Variants in RAB3C observed in about 807,000 individuals in gnomAD.
The protein encoded by RAB3C is ras-related protein Rab-3C.
RAB3C carries 17 observed loss-of-function variants against 26.4 expected under a neutral mutation model. That is an observed-to-expected ratio of 0.64 (90% CI 0.44 to 0.97). The LOEUF is 0.97. Among genes scored for constraint, RAB3C ranks in the 50% least tolerant of loss-of-function variants. RAB3C has a pLI of 0.00. For missense variants in RAB3C, 242 were observed against 281.9 expected (o/e 0.86, Z 1.01); for synonymous variants, 91 against 95.9 (o/e 0.95, Z 0.30).
At chr5:58,601,047 A>G (rs1224835978) in intron 1 of RAB3C, among the ~76,000 whole-genome samples, 2 of 152,122 alleles carry the variant, frequency 1.3e-5, no homozygotes, top group Non-Finnish European at 2.9e-5. Flanking sequence ...GAAAGTTTTA[A>G]TTATAAAGGG....
chr5:58,717,655 A>T (rs761927561), intron 2 of RAB3C, among the ~76,000 whole-genome samples: 1 of 152,026 alleles, frequency 6.6e-6, no homozygotes, highest in Non-Finnish European at 1.5e-5. Flanking sequence ...CATCCAGGAG[A>T]CAGCTCTCTT....
intron 2 of RAB3C, among the ~76,000 whole-genome samples, chr5:58,686,819 G>A (rs994948354): frequency 2.6e-5 from 4 of 151,972 alleles, no homozygotes; most frequent in Non-Finnish European, 5.9e-5. Flanking sequence ...AGGTAACAGG[G>A]TATCCTCTTG....
chr5:58,839,903 G>T (rs1743839605), intron 4 of RAB3C, among the ~76,000 whole-genome samples: 1 of 150,664 alleles, frequency 6.6e-6, no homozygotes, highest in African/African-American at 2.4e-5. Flanking sequence ...AATATTTGTG[G>T]TTGGGAGGTT....
At chr5:58,644,041 G>A (rs986297658) in intron 2 of RAB3C, among the ~76,000 whole-genome samples, 98 of 152,098 alleles carry the variant, frequency 6.4e-4, no homozygotes, top group African/African-American at 1.9e-4. Context: ...GGGTGGTCTC[G>A]AACTCCTGAC....
intron 4 of RAB3C, chr5:58,848,624 A>G (rs890858279): frequency 5.3e-5 from 8 of 152,216 alleles, no homozygotes; most frequent in African/African-American, 1.9e-4. Flanking sequence ...AATAGTACCT[A>G]TTATATAGTA....
chr5:58,655,908 G>A (rs922504476), intron 2 of RAB3C, among the ~76,000 whole-genome samples: 2 of 145,342 alleles, frequency 1.4e-5, no homozygotes, highest in South Asian at 2.2e-4. Context: ...CCTTTCTCCT[G>A]CCTCAGCCTC....
chr5:58,679,423 A>T (rs1748301464), intron 2 of RAB3C, among the ~76,000 whole-genome samples: 1 of 152,204 alleles, frequency 6.6e-6, no homozygotes, highest in Non-Finnish European at 1.5e-5. Flanking sequence ...TTCACTGAAG[A>T]CATAATATTT....
At chr5:58,612,240 T>C (rs1746719344) in intron 1 of RAB3C, among the ~76,000 whole-genome samples, 1 of 152,058 alleles carries the variant, frequency 6.6e-6, no homozygotes, top group South Asian at 2.1e-4. Context: ...AATATGAATT[T>C]TAAAATATTT....
intron 4 of RAB3C, among the ~76,000 whole-genome samples, chr5:58,845,283 T>C (rs1461922297): frequency 6.6e-6 from 1 of 152,036 alleles, no homozygotes; most frequent in African/African-American, 2.4e-5. Flanking sequence ...GGGAGCAAAG[T>C]GGACAGAAGA....
Position 58,597,710 on chromosome 5 carries a change from ATATAG to A in RAB3C, c.24+14481_24+14485del, listed in dbSNP as rs1746351417. On this transcript the variant is annotated intron_variant, in intron 1 of 4. Transcript: ENST00000282878. ...ACATTATATATAAGTATATAATATAATATAGTACATTATATATAAGTATATAACAT... is the reference window on the plus strand; with the variant it reads ...ACATTATATATAAGTATATAATATAATACATTATATATAAGTATATAACAT... Among the ~76,000 whole-genome samples, 23 of 51,268 alleles carry A rather than the reference ATATAG, an allele frequency of 4.5e-4. 4 individuals are homozygous for A. In the South Asian group the frequency reaches 0.013, roughly 29 times the overall value. The allele number at this position is 51,268 out of a possible 152,430, so 33.6% of individuals were successfully genotyped here.
chr5:58,797,376 T>TA (rs1561133575), intron 3 of RAB3C, among the ~76,000 whole-genome samples: 2 of 120,522 alleles, frequency 1.7e-5, no homozygotes, highest in African/African-American at 6.8e-5. Context: ...ATAATATATA[T>TA]ATATATATAT....
intron 3 of RAB3C, among the ~76,000 whole-genome samples, chr5:58,764,191 T>C (rs6894540): frequency 0.011 from 1,664 of 152,292 alleles, 33 homozygotes; most frequent in African/African-American, 0.038. Flanking sequence ...CAATTTCAGT[T>C]ACTCTTTTAT....
At chr5:58,833,266 CCTGGCTGTACATTCGAACCA>C (rs1409424519) in intron 4 of RAB3C, among the ~76,000 whole-genome samples, 6 of 151,302 alleles carry the variant, frequency 4.0e-5, no homozygotes, top group African/African-American at 1.5e-4. Flanking sequence ...GGTTCCCCAC[CCTGGCTGTACATTCGAACCA>C]CCTAGGTAGC....
chr5:58,857,235 T>C lies in RAB3C; in HGVS notation c.*5884T>C, dbSNP rs575248119. 6.6e-6 allele frequency: 1 copy of C among 152,318 alleles called. No individual in the cohort carries two copies. Among genetic ancestry groups the C allele is most frequent in the South Asian group, 2.1e-4 (1 of 4,830 alleles). The allele number at this position is 152,318 out of a possible 1,614,324, so 9.4% of individuals were successfully genotyped here. ...GCTGTATTTGTCTAGTGGTGCAATT[T>C]ATACAGTAAATATCTTATTGGTGTC... On this transcript the variant is annotated 3_prime_UTR_variant, in exon 5 of 5. Transcript: ENST00000282878.
intron 2 of RAB3C, among the ~76,000 whole-genome samples, chr5:58,642,671 G>T (rs1036641150): frequency 3.9e-5 from 6 of 152,130 alleles, no homozygotes; most frequent in African/African-American, 1.4e-4. Flanking sequence ...TGTGATGGAT[G>T]GTTTTTCCTT....
At chr5:58,780,265 C>T (rs2112000674) in intron 3 of RAB3C, among the ~76,000 whole-genome samples, 1 of 152,228 alleles carries the variant, frequency 6.6e-6, no homozygotes, top group South Asian at 2.1e-4. Flanking sequence ...TTAAATGAGA[C>T]ATCCCCTCTC....
intron 3 of RAB3C, among the ~76,000 whole-genome samples, chr5:58,726,440 G>T (rs1296907533): frequency 6.6e-6 from 1 of 151,908 alleles, no homozygotes; most frequent in African/African-American, 2.4e-5. Flanking sequence ...GAAGTTTACT[G>T]ATCTAAAATA....
At chr5:58,792,549 G>A (rs1363699825) in intron 3 of RAB3C, among the ~76,000 whole-genome samples, 1 of 152,152 alleles carries the variant, frequency 6.6e-6, no homozygotes, top group African/African-American at 2.4e-5. Context: ...ATTAGAGCCA[G>A]AGGCGGAAGC....
intron 1 of RAB3C, among the ~76,000 whole-genome samples, chr5:58,602,755 G>T (rs1362184364): frequency 6.6e-6 from 1 of 152,176 alleles, no homozygotes; most frequent in Non-Finnish European, 1.5e-5. Context: ...GTCTCCTAAA[G>T]GCAGGAGATA....
Sources: allele counts gnomAD v4.1 joint callset (sites outside exome capture counted in the v4.1 genomes callset), GRCh38; gene constraint gnomAD v4.1.1; transcripts MANE v1.5; gene names NCBI Gene and HGNC (gene_info 2026-07-23, HGNC 2026-07-21).